The following LARGE1 variants were observed in gnomAD, a reference collection of about 807,000 sequenced individuals.
LARGE1 encodes the protein xylosyl- and glucuronyltransferase LARGE1.
Under a neutral mutation model 87.6 loss-of-function variants are expected in LARGE1, and 43 were observed. That is an observed-to-expected ratio of 0.49 (90% CI 0.38 to 0.63). LARGE1 has a LOEUF of 0.63. Ranked by LOEUF, LARGE1 falls within the 30% of genes least tolerant of loss-of-function variation. The pLI is 0.00. For missense variants in LARGE1, 802 were observed against 1,000.2 expected (o/e 0.80, Z 2.67); for synonymous variants, 434 against 394.6 (o/e 1.10, Z -1.18).
intron 1 of LARGE1, among the ~76,000 whole-genome samples, chr22:33,776,174 T>C (rs1348558518): frequency 6.6e-6 from 1 of 152,242 alleles, no homozygotes; most frequent in African/African-American, 2.4e-5. Flanking sequence ...TGAAGTGCAC[T>C]GATCTGCATC....
chr22:33,435,857 T>C (rs1041090526), intron 6 of LARGE1, among the ~76,000 whole-genome samples: 4 of 152,142 alleles, frequency 2.6e-5, no homozygotes, highest in South Asian at 4.1e-4. Context: ...ATTAGCAACA[T>C]GATAGTTAGA....
intron 5 of LARGE1, among the ~76,000 whole-genome samples, chr22:33,592,188 C>A (rs2078860779): frequency 6.6e-6 from 1 of 151,820 alleles, no homozygotes; most frequent in Non-Finnish European, 1.5e-5. Context: ...TCTATAAGTT[C>A]TACAGATTTA....
chr22:33,510,912 C>T (rs539384247), intron 6 of LARGE1, among the ~76,000 whole-genome samples: 17 of 152,284 alleles, frequency 1.1e-4, no homozygotes, highest in African/African-American at 3.4e-4. Context: ...TTCTGAAGTC[C>T]GTGCTACATG....
At chr22:33,214,607 C>A (rs1037423731) in intron 11 of LARGE1, among the ~76,000 whole-genome samples, 1 of 151,990 alleles carries the variant, frequency 6.6e-6, no homozygotes, top group Admixed American at 6.6e-5. Context: ...AAAGCTGTGG[C>A]CAGTCGCCAG....
rs780752716 is a variant in LARGE1 at position 33,274,427 on chromosome 22, C to T, written c.2271G>A (p.Ter757=). The T allele has an allele frequency of 1.2e-6, 2 of 1,614,186 alleles. No homozygotes were observed. The highest frequency in any genetic ancestry group is 4.5e-5 in the East Asian group (2 of 44,876). The change falls in exon 15 of 15, where the codon TAG becomes TAA. Residue 757 remains the stop codon, a stop_retained_variant. Transcript: ENST00000397394. ...CCCCCTAGTGGTGGGCTTCTTGGTG[C>T]TAGCTGTTGTTCTCGGCTGTGAGAT... ...LKYLTAENNS[*]
At chr22:33,554,847 T>A (rs140474622) in intron 6 of LARGE1, among the ~76,000 whole-genome samples, 1 of 152,310 alleles carries the variant, frequency 6.6e-6, no homozygotes. Flanking sequence ...CCAAGAAACA[T>A]CCGCTTTACT....
chr22:33,495,153 A>G (rs1007980567), intron 6 of LARGE1, among the ~76,000 whole-genome samples: 3 of 145,580 alleles, frequency 2.1e-5, no homozygotes, highest in African/African-American at 7.7e-5. Flanking sequence ...TCCATCAAAC[A>G]TCACAGGCTC....
chr22:33,528,151 A>G (rs2072007995), intron 6 of LARGE1, among the ~76,000 whole-genome samples: 1 of 151,984 alleles, frequency 6.6e-6, no homozygotes, highest in African/African-American at 2.4e-5. Context: ...GGGCGGGGTA[A>G]AATCTCACAA....
intron 1 of LARGE1, among the ~76,000 whole-genome samples, chr22:33,916,207 G>T (rs1209477820): frequency 6.6e-6 from 1 of 152,070 alleles, no homozygotes; most frequent in Non-Finnish European, 1.5e-5. Context: ...CTTGAACCCG[G>T]GAGGCGGAGG....
chr22:33,800,733 T>C (rs1356775701), intron 1 of LARGE1, among the ~76,000 whole-genome samples: 1 of 152,192 alleles, frequency 6.6e-6, no homozygotes, highest in African/African-American at 2.4e-5. Flanking sequence ...AGTTCATTCC[T>C]TTTTCTCGCT....
Position 33,169,584 on chromosome 22 carries a change from G to C in LARGE1, c.1731-2752C>G, listed in dbSNP as rs538098652. ...ATGTCCTGAGGGGCTGGGCGCAGTG[G>C]CTCACAACTGTAATCCCAGCACTTT... On this transcript the variant is annotated intron_variant, in intron 11 of 11. Coordinates refer to the LARGE1 transcript ENST00000608642. Among the ~76,000 whole-genome samples the C allele has an allele frequency of 3.3e-5, 5 of 152,232 alleles. No homozygotes were observed. The South Asian group carries it at 6.2e-4, about 19-fold the overall frequency.
chr22:33,636,029 C>T (rs240605), intron 3 of LARGE1, among the ~76,000 whole-genome samples: 195 of 152,252 alleles, frequency 1.3e-3, no homozygotes, highest in African/African-American at 4.5e-3. Context: ...CGGCAAGGCA[C>T]ATAAATGGAT....
intron 6 of LARGE1, among the ~76,000 whole-genome samples, chr22:33,505,127 C>G (rs1417999152): frequency 6.6e-6 from 1 of 152,230 alleles, no homozygotes; most frequent in Non-Finnish European, 1.5e-5. Flanking sequence ...CTCGTGAGCA[C>G]TGAACAGGCA....
intron 9 of LARGE1, among the ~76,000 whole-genome samples, chr22:33,344,749 TGGTG>T (rs1939555776): frequency 6.7e-6 from 1 of 148,280 alleles, no homozygotes; most frequent in African/African-American, 2.5e-5. Context: ...GGCAGCAAGC[TGGTG>T]ACTGCTAAAG....
chr22:33,569,442 T>C (rs2078128252), intron 5 of LARGE1, among the ~76,000 whole-genome samples: 1 of 152,210 alleles, frequency 6.6e-6, no homozygotes, highest in Non-Finnish European at 1.5e-5. Flanking sequence ...GTCCCCAACT[T>C]AATACATAAT....
intron 1 of LARGE1, among the ~76,000 whole-genome samples, chr22:33,850,494 C>A (rs1431481970): frequency 1.3e-5 from 2 of 152,152 alleles, no homozygotes; most frequent in Non-Finnish European, 2.9e-5. Context: ...GAATTTATTG[C>A]AAGTACTAAA....
intron 11 of LARGE1, among the ~76,000 whole-genome samples, chr22:33,226,374 C>A (rs183876886): frequency 6.6e-6 from 1 of 152,306 alleles, no homozygotes; most frequent in East Asian, 1.9e-4. Flanking sequence ...AACACAAGGT[C>A]TTCAGGTTGG....
intron 2 of LARGE1, among the ~76,000 whole-genome samples, chr22:33,692,497 G>A (rs1358696491): frequency 6.6e-6 from 1 of 152,190 alleles, no homozygotes; most frequent in Non-Finnish European, 1.5e-5. Context: ...TTTTAGTAGA[G>A]ATGGGGTTTC....
Position 33,824,263 on chromosome 22 carries a change from C to T in LARGE1, c.-82-62705G>A, listed in dbSNP as rs145684994. Among the ~76,000 whole-genome samples the T allele has an allele frequency of 7.7e-3, 1,177 of 152,270 alleles. 18 individuals are homozygous for T. Among genetic ancestry groups the T allele is most frequent in the African/African-American group, 0.027 (1,115 of 41,554 alleles). ...TAATTTATAAGCAGAAGAGGTTTAA[C>T]TGACTCTCAGTTCTGCAAGCTGTAC... On this transcript the variant is annotated intron_variant, in intron 1 of 14. Transcript: ENST00000397394.
Sources: gnomAD v4.1 joint callset for allele counts (sites outside exome capture counted in the v4.1 genomes callset) on GRCh38, gnomAD v4.1.1 for gene constraint, MANE v1.5 for transcripts, NCBI Gene and HGNC (gene_info 2026-07-23, HGNC 2026-07-21) for gene names.